The following PDE11A variants were observed in gnomAD, a reference collection of about 807,000 sequenced individuals.
The protein encoded by PDE11A is dual 3',5'-cyclic-AMP and -GMP phosphodiesterase 11A.
A neutral mutation model predicts 100.5 loss-of-function variants in PDE11A; 100 were observed. The ratio of observed to expected loss-of-function variants is 1.00; its 90% confidence interval spans 0.85 to 1.18. The LOEUF (loss-of-function observed/expected upper bound fraction) is 1.18, where lower values mean the gene tolerates loss of function less well. Among genes scored for constraint, PDE11A ranks in the 50% most tolerant of loss-of-function variants. PDE11A has a pLI of 0.00. For missense variants in PDE11A, 1,141 were observed against 1,152.6 expected (o/e 0.99, Z 0.15); for synonymous variants, 381 against 420.8 (o/e 0.91, Z 1.16).
chr2:177,809,460 C>G (rs948599167), intron 9 of PDE11A, among the ~76,000 whole-genome samples: 1 of 152,128 alleles, frequency 6.6e-6, no homozygotes, highest in South Asian at 2.1e-4. Flanking sequence ...TAATTGCTAA[C>G]AGGAGATTCC....
chr2:177,869,523 A>C (rs900820447), intron 5 of PDE11A, among the ~76,000 whole-genome samples: 3 of 152,184 alleles, frequency 2.0e-5, no homozygotes, highest in African/African-American at 7.2e-5. Context: ...TGTGTCCTCA[A>C]CTGGGAGAAG....
At chr2:177,843,815 T>A (rs1426829884) in intron 5 of PDE11A, among the ~76,000 whole-genome samples, 1 of 152,170 alleles carries the variant, frequency 6.6e-6, no homozygotes, top group Admixed American at 6.5e-5. Flanking sequence ...AAATTTCAAA[T>A]GAAAAATTTT....
In PDE11A at chr2:177,898,283, A is replaced by G. The variant is rs1574262018; in HGVS notation, c.1162-85T>C. The G allele has an allele frequency of 4.7e-6, 4 of 845,742 alleles. No homozygotes were observed. The East Asian group carries it at 1.1e-4, about 22-fold the overall frequency. The allele number at this position is 845,742 out of a possible 1,614,324, so 52.4% of individuals were successfully genotyped here. ...CTTCTTAAAATTTAATCTTTGCTTCAATAAAATATAGTAAATCTTTTTGTG... is the reference window on the plus strand; with the variant it reads ...CTTCTTAAAATTTAATCTTTGCTTCGATAAAATATAGTAAATCTTTTTGTG... On this transcript the variant is annotated intron_variant, in intron 3 of 19. Coordinates refer to ENST00000286063, the MANE Select transcript of PDE11A (RefSeq NM_016953.4).
chr2:177,921,909 C>T (rs769905260), intron 2 of PDE11A: 1 of 152,228 alleles, frequency 6.6e-6, no homozygotes, highest in South Asian at 2.1e-4. Context: ...CTAGCTACAT[C>T]CCAAGAATGT....
chr2:177,998,192 T>C, intron 2 of PDE11A: 2 of 861,048 alleles, frequency 2.3e-6, no homozygotes, highest in Non-Finnish European at 2.0e-6. Flanking sequence ...AATTCATGAA[T>C]AGAACAAATT....
At chr2:177,641,523 G>A (rs1263751381) in intron 19 of PDE11A, among the ~76,000 whole-genome samples, 1 of 151,926 alleles carries the variant, frequency 6.6e-6, no homozygotes, top group Non-Finnish European at 1.5e-5. Context: ...GCTGGCTGTG[G>A]AGTCCAGATG....
intron 2 of PDE11A, among the ~76,000 whole-genome samples, chr2:177,949,400 T>C (rs975974525): frequency 1.7e-4 from 26 of 152,294 alleles, no homozygotes; most frequent in African/African-American, 6.0e-4. Context: ...TAGCCCTCCA[T>C]CCAGAGATAG....
At chr2:178,039,552 T>C (rs2086658282) in intron 1 of PDE11A, among the ~76,000 whole-genome samples, 1 of 151,906 alleles carries the variant, frequency 6.6e-6, no homozygotes, top group African/African-American at 2.4e-5. Flanking sequence ...TAAATAAAAG[T>C]TACAAAAATG....
chr2:178,006,867 T>C (rs1353791153), intron 2 of PDE11A, among the ~76,000 whole-genome samples: 2 of 152,050 alleles, frequency 1.3e-5, no homozygotes, highest in African/African-American at 4.8e-5. Flanking sequence ...AGATGTTGAA[T>C]TCCAAACATA....
At chr2:177,710,331 G>A (rs13422021) in intron 13 of PDE11A, among the ~76,000 whole-genome samples, 12,926 of 151,730 alleles carry the variant, frequency 0.085, 1,844 homozygotes, top group African/African-American at 0.29. Flanking sequence ...TCTCCGTGAA[G>A]TAGGAGGCAA....
chr2:177,887,494 T>C (rs1574253197), intron 4 of PDE11A, among the ~76,000 whole-genome samples: 1 of 151,472 alleles, frequency 6.6e-6, no homozygotes, highest in Admixed American at 6.6e-5. Flanking sequence ...CTGGGTGCGG[T>C]GGCTCATGCT....
intron 6 of PDE11A, among the ~76,000 whole-genome samples, chr2:177,839,044 C>T (rs1464095743): frequency 6.6e-6 from 1 of 152,136 alleles, no homozygotes; most frequent in Non-Finnish European, 1.5e-5. Flanking sequence ...AAAATGTAGC[C>T]TGGGGAAGAG....
In PDE11A at chr2:178,072,636, C is replaced by T; in HGVS notation, c.-199G>A. On this transcript the variant is annotated 5_prime_UTR_variant, in exon 1 of 20. It adds an upstream start codon to the 5' untranslated region. Coordinates refer to ENST00000286063, the MANE Select transcript of PDE11A (RefSeq NM_016953.4). ...CTCAGAGTGGCTGGCGCCGACCCCA[C>T]CCCGTGGTCCTGCTACTCCTGCTCC... 1 of 1,478,628 alleles carries T rather than the reference C, an allele frequency of 6.8e-7. No homozygotes were observed. The highest frequency in any genetic ancestry group is 1.4e-5 in the South Asian group (1 of 73,236). 91.6% of individuals were successfully genotyped at this position (1,478,628 alleles called of 1,614,324 possible).
At chr2:177,852,420 A>G (rs1291212863) in intron 5 of PDE11A, among the ~76,000 whole-genome samples, 1 of 152,086 alleles carries the variant, frequency 6.6e-6, no homozygotes, top group African/African-American at 2.4e-5. Flanking sequence ...AGTATTTGAC[A>G]TTTTGTTTCA....
intron 5 of PDE11A, among the ~76,000 whole-genome samples, chr2:177,854,838 A>G (rs1040871646): frequency 4.6e-5 from 7 of 152,126 alleles, no homozygotes; most frequent in African/African-American, 1.4e-4. Context: ...GGGAATAGAA[A>G]TGAGCCTCTA....
intron 15 of PDE11A, among the ~76,000 whole-genome samples, chr2:177,681,756 C>T (rs2080869406): frequency 6.6e-6 from 1 of 152,140 alleles, no homozygotes; most frequent in Admixed American, 6.5e-5. Flanking sequence ...TCCTTCCTCC[C>T]TTTTGGAATT....
chr2:177,904,999 T>C, intron 3 of PDE11A, 99 bp downstream of exon 3: 1 of 769,444 alleles, frequency 1.3e-6, no homozygotes, highest in South Asian at 1.4e-5. Flanking sequence ...TCCTGTACTA[T>C]TCAAAGATCA....
intron 15 of PDE11A, among the ~76,000 whole-genome samples, chr2:177,682,925 T>C (rs1222004351): frequency 8.3e-6 from 1 of 119,916 alleles, no homozygotes; most frequent in East Asian, 2.9e-4. Flanking sequence ...ATATAATTTA[T>C]GGTAGAAATC....
At chr2:177,988,808 A>T (rs1315393036) in intron 2 of PDE11A, among the ~76,000 whole-genome samples, 1 of 152,194 alleles carries the variant, frequency 6.6e-6, no homozygotes, top group African/African-American at 2.4e-5. Context: ...AGCTGTGGAA[A>T]GCCTGGTCAT....
Sources: gnomAD v4.1 joint callset for allele counts (sites outside exome capture counted in the v4.1 genomes callset) on GRCh38, gnomAD v4.1.1 for gene constraint, MANE v1.5 for transcripts, NCBI Gene and HGNC (gene_info 2026-07-23, HGNC 2026-07-21) for gene names.